Variants in ST18 observed in about 807,000 individuals in gnomAD.
The protein encoded by ST18 is ST18 C2H2C-type zinc finger transcription factor.
A neutral mutation model predicts 110.0 loss-of-function variants in ST18; 50 were observed. The observed-to-expected ratio is 0.45, with a 90% CI of 0.36 to 0.58. The LOEUF (loss-of-function observed/expected upper bound fraction) is 0.58, where lower values mean the gene tolerates loss of function less well. Ranked by LOEUF, ST18 falls within the 20% of genes least tolerant of loss-of-function variation. ST18 has a pLI of 0.00. For missense variants in ST18, 1,306 were observed against 1,280.1 expected (o/e 1.02, Z -0.31); for synonymous variants, 461 against 452.4 (o/e 1.02, Z -0.24).
chr8:52,137,518 C>A lies in ST18; in HGVS notation c.2169-35G>T, dbSNP rs201761233. On this transcript the variant is annotated intron_variant, in intron 17 of 25. Coordinates refer to ENST00000689386, the MANE Select transcript of ST18 (RefSeq NM_001352837.2). ...TAGAAAATACATCATTAGAGTCAAG[C>A]GCATTTCCCAGGTTCATTTCCTCTG... 271 of 1,609,610 alleles carry A rather than the reference C, an allele frequency of 1.7e-4. No homozygotes were observed. In the African/African-American group the frequency reaches 3.0e-3, roughly 18 times the overall value.
At chr8:52,212,391 C>A (rs987017683) in intron 7 of ST18, among the ~76,000 whole-genome samples, 3 of 152,142 alleles carry the variant, frequency 2.0e-5, no homozygotes, top group East Asian at 1.9e-4. Flanking sequence ...TTCACAGGAG[C>A]ACAAATGATT....
intron 2 of ST18, among the ~76,000 whole-genome samples, chr8:52,399,220 G>T (rs556617651): frequency 4.0e-5 from 6 of 151,772 alleles, no homozygotes; most frequent in African/African-American, 1.5e-4. Flanking sequence ...CCATTTATTG[G>T]CATACAATTG....
At chr8:52,115,827 T>C (rs2042336436) in intron 25 of ST18, among the ~76,000 whole-genome samples, 1 of 152,136 alleles carries the variant, frequency 6.6e-6, no homozygotes, top group South Asian at 2.1e-4. Flanking sequence ...AGAACTGAAG[T>C]ACGTTCTTCA....
intron 12 of ST18, 35 bp from the exon 13 acceptor site, chr8:52,164,125 T>G: frequency 3.2e-6 from 5 of 1,555,804 alleles, no homozygotes; most frequent in Non-Finnish European, 4.4e-6. Flanking sequence ...GGATTTTAGT[T>G]AAAATGATAA....
chr8:52,302,631 C>A (rs117770086), intron 2 of ST18, among the ~76,000 whole-genome samples: 86 of 152,212 alleles, frequency 5.7e-4, no homozygotes, highest in Non-Finnish European at 9.7e-4. Context: ...CAAAGTGGAC[C>A]TGAACATTTT....
At chr8:52,281,431 G>A (rs1003751329) in intron 2 of ST18, among the ~76,000 whole-genome samples, 4 of 151,960 alleles carry the variant, frequency 2.6e-5, no homozygotes, top group African/African-American at 9.7e-5. Flanking sequence ...GAATGATCAA[G>A]GAAAGAAGAA....
intron 6 of ST18, among the ~76,000 whole-genome samples, chr8:52,215,380 T>C (rs1407325944): frequency 1.3e-5 from 2 of 152,240 alleles, no homozygotes; most frequent in Non-Finnish European, 2.9e-5. Flanking sequence ...CTATAGTCTA[T>C]TGAGACAAAC....
chr8:52,399,151 T>C (rs561995496), intron 2 of ST18, among the ~76,000 whole-genome samples: 1 of 152,226 alleles, frequency 6.6e-6, no homozygotes, highest in East Asian at 1.9e-4. Context: ...TATTTCTTCC[T>C]GATTCAATCT....
intron 2 of ST18, among the ~76,000 whole-genome samples, chr8:52,380,696 G>C (rs965296924): frequency 1.3e-5 from 2 of 152,056 alleles, no homozygotes; most frequent in African/African-American, 4.8e-5. Flanking sequence ...AAATGCCGAT[G>C]CCTAACATTC....
intron 2 of ST18, among the ~76,000 whole-genome samples, chr8:52,284,359 A>C (rs116706879): frequency 3.3e-4 from 50 of 152,334 alleles, no homozygotes; most frequent in African/African-American, 1.1e-3. Flanking sequence ...TTTGGAAAGA[A>C]TCATCTCTGA....
intron 2 of ST18, among the ~76,000 whole-genome samples, chr8:52,367,236 T>TCTCTCACACACACACACA (rs1554851169): frequency 8.3e-6 from 1 of 120,190 alleles, no homozygotes; most frequent in African/African-American, 3.1e-5. Flanking sequence ...GGACCCTGTC[T>TCTCTCACACACACACACA]CACACACACA....
chr8:52,344,786 G>C (rs1402758187), intron 2 of ST18, among the ~76,000 whole-genome samples: 1 of 152,154 alleles, frequency 6.6e-6, no homozygotes, highest in East Asian at 1.9e-4. Flanking sequence ...ACATTTTGTA[G>C]TTAATATACA....
chr8:52,378,881 A>T lies in ST18; in HGVS notation c.-465+30447T>A, dbSNP rs1177459494. Among the ~76,000 whole-genome samples the T allele has an allele frequency of 3.9e-5, 6 of 152,144 alleles. No individual in the cohort carries two copies. In the East Asian group the frequency reaches 1.2e-3, roughly 29 times the overall value. ...TTTCTTGATCTCATCAAACATTGTCATGACAAGCAAAATAGACCTATGTGA... is the reference window on the plus strand; with the variant it reads ...TTTCTTGATCTCATCAAACATTGTCTTGACAAGCAAAATAGACCTATGTGA... On this transcript the variant is annotated intron_variant, in intron 2 of 25. Transcript: ENST00000689386.
intron 2 of ST18, among the ~76,000 whole-genome samples, chr8:52,372,270 A>C (rs1830545284): frequency 6.6e-6 from 1 of 152,206 alleles, no homozygotes; most frequent in African/African-American, 2.4e-5. Flanking sequence ...TTGCAGAATA[A>C]AGATGTAAAG....
intron 2 of ST18, among the ~76,000 whole-genome samples, chr8:52,259,725 C>T (rs2094628075): frequency 6.6e-6 from 1 of 152,136 alleles, no homozygotes; most frequent in Non-Finnish European, 1.5e-5. Context: ...TAACTTTTCC[C>T]AGTCCAAACC....
chr8:52,315,639 C>A (rs6989373), intron 2 of ST18, among the ~76,000 whole-genome samples: 51,687 of 152,076 alleles, frequency 0.34, 9,003 homozygotes, highest in Middle Eastern at 0.45. Context: ...CCTTTTACCT[C>A]CTTTGTTCCT....
At chr8:52,257,977 A>G (rs1000652743) in intron 2 of ST18, among the ~76,000 whole-genome samples, 3 of 152,174 alleles carry the variant, frequency 2.0e-5, no homozygotes, top group African/African-American at 7.2e-5. Flanking sequence ...TAGAGATCCA[A>G]CTGCATTCTT....
At chr8:52,343,353 A>C (rs753163646) in intron 2 of ST18, among the ~76,000 whole-genome samples, 3 of 152,108 alleles carry the variant, frequency 2.0e-5, no homozygotes, top group Non-Finnish European at 2.9e-5. Context: ...CACGCTCCTC[A>C]TCTCCCTTCC....
intron 2 of ST18, chr8:52,403,481 A>C (rs1485965251): frequency 6.6e-6 from 1 of 152,266 alleles, no homozygotes; most frequent in Non-Finnish European, 1.5e-5. Context: ...CAATGGTAAT[A>C]GGGGCTGCTG....
Sources: allele counts gnomAD v4.1 joint callset (sites outside exome capture counted in the v4.1 genomes callset), GRCh38; gene constraint gnomAD v4.1.1; transcripts MANE v1.5; gene names NCBI Gene and HGNC (gene_info 2026-07-23, HGNC 2026-07-21).